The following COL4A5 variants were observed in gnomAD, a reference collection of about 807,000 sequenced individuals.
COL4A5 encodes the protein collagen alpha-5(IV) chain.
COL4A5 carries 26 observed loss-of-function variants against 130.2 expected under a neutral mutation model. The ratio of observed to expected loss-of-function variants is 0.20; its 90% confidence interval spans 0.15 to 0.28. The LOEUF is 0.28. Ranked by LOEUF, COL4A5 falls within the 10% of genes least tolerant of loss-of-function variation. COL4A5 has a pLI of 1.00. For synonymous variants in COL4A5, 496 were observed against 439.6 expected (o/e 1.13, Z -1.60); for missense variants, 1,131 against 1,344.3 (o/e 0.84, Z 2.48).
chrX:108,667,469 A>G (rs959289417), intron 40 of COL4A5, among the ~76,000 whole-genome samples: 1 of 111,303 alleles, frequency 9.0e-6, no homozygotes, highest in East Asian at 2.8e-4. Flanking sequence ...GCAGGAAGAT[A>G]AGAAAAGTCT....
intron 36 of COL4A5, among the ~76,000 whole-genome samples, chrX:108,637,605 A>C (rs775277493): frequency 3.6e-5 from 4 of 111,989 alleles, no homozygotes; most frequent in African/African-American, 1.3e-4. Context: ...ATAAAAGAGG[A>C]GACATTACTA....
At chrX:108,657,683 T>C (rs996358232) in intron 37 of COL4A5, among the ~76,000 whole-genome samples, 3 of 111,560 alleles carry the variant, frequency 2.7e-5, no homozygotes, top group African/African-American at 9.7e-5. Flanking sequence ...TTTTGTTTTG[T>C]AAATCTTGAA....
chrX:108,647,710 C>A (rs1182216152), intron 36 of COL4A5, among the ~76,000 whole-genome samples: 4 of 111,714 alleles, frequency 3.6e-5, no homozygotes, highest in Non-Finnish European at 7.5e-5. Context: ...ATGATATTGG[C>A]TGTGAGTTTG....
chrX:108,507,740 A>T (rs987788888), intron 1 of COL4A5, among the ~76,000 whole-genome samples: 4 of 111,730 alleles, frequency 3.6e-5, no homozygotes, highest in African/African-American at 9.8e-5. Flanking sequence ...CCTGGGAGGT[A>T]GAGCTTGCAG....
chrX:108,544,031 A>G (rs1181138296), intron 2 of COL4A5, among the ~76,000 whole-genome samples: 5 of 111,895 alleles, frequency 4.5e-5, no homozygotes, highest in African/African-American at 1.6e-4. Flanking sequence ...GGTTTTCTAG[A>G]TATACAATCA....
rs2068649632 is a variant in COL4A5 at position 108,692,241 on chromosome X, A to AT, written c.4529-500dup. Reference sequence around the variant, plus strand: ...CCCTCACATCTTTCCTTCCTGTCTTATTTTTTTCCTTTTTACGTATTCTTC... The same window carrying AT: ...CCCTCACATCTTTCCTTCCTGTCTTATTTTTTTTCCTTTTTACGTATTCTTC... On this transcript the variant is annotated intron_variant, in intron 49 of 52. Coordinates refer to ENST00000328300, the MANE Select transcript of COL4A5 (RefSeq NM_033380.3). Among the ~76,000 whole-genome samples the AT allele has an allele frequency of 2.7e-5, 3 of 109,689 alleles. No individual in the cohort carries two copies. The Admixed American group carries it at 3.0e-4, about 11-fold the overall frequency.
Position 108,692,732 on chromosome X carries a change from C to T in COL4A5, c.4529-16C>T, listed in dbSNP as rs1442212018. 6.6e-6 allele frequency: 8 copies of T among 1,209,090 alleles called. No homozygotes were observed. ...ATCACGCAGTCCTTTACTGTTTTCT[C>T]TCCAAATCTTTCTAGGGACGGCTGG... On this transcript the variant is annotated splice_polypyrimidine_tract_variant and intron_variant, in intron 49 of 52. Coordinates refer to ENST00000328300, the MANE Select transcript of COL4A5 (RefSeq NM_033380.3).
rs373688071 is a variant in COL4A5 at position 108,451,307 on chromosome X, G to A, written c.81+11101G>A. 1.0e-3 allele frequency among the ~76,000 whole-genome samples: 114 copies of A among 110,349 alleles called. 3 individuals carry two copies. In the East Asian group the frequency reaches 0.028, roughly 27 times the overall value. On this transcript the variant is annotated intron_variant, in intron 1 of 52. Transcript: ENST00000328300. ...GTGAATAGTGCTGCAATAAACATAC[G>A]TGTGCATGTGTCTTTATAGCAGCAT...
intron 37 of COL4A5, 72 bp from the exon 38 acceptor site, chrX:108,665,435 T>G (rs1438805588): frequency 8.1e-6 from 6 of 743,601 alleles, no homozygotes; most frequent in African/African-American, 2.1e-5. Flanking sequence ...CACTATAAAT[T>G]GTAAGTTTGA....
intron 1 of COL4A5, among the ~76,000 whole-genome samples, chrX:108,461,215 C>T (rs1434865641): frequency 8.9e-6 from 1 of 111,751 alleles, no homozygotes; most frequent in Non-Finnish European, 1.9e-5. Context: ...GATTGACAAC[C>T]TTTATACTAA....
At chrX:108,512,269 G>A (rs771000857) in intron 1 of COL4A5, among the ~76,000 whole-genome samples, 35 of 111,550 alleles carry the variant, frequency 3.1e-4, no homozygotes, top group African/African-American at 9.4e-4. Context: ...TAACATCACC[G>A]TTGGAAGTTC....
intron 42 of COL4A5, 100 bp downstream of exon 42, chrX:108,670,336 G>T (rs1035876788): frequency 1.7e-6 from 2 of 1,160,959 alleles, no homozygotes; most frequent in African/African-American, 1.8e-5. Context: ...AAGAGCATAT[G>T]TGCCAATTCA....
intron 30 of COL4A5, among the ~76,000 whole-genome samples, chrX:108,619,901 T>C (rs2067005109): frequency 8.9e-6 from 1 of 112,652 alleles, no homozygotes; most frequent in Non-Finnish European, 1.9e-5. Context: ...TGTAATTGTA[T>C]CTGTTGAATA....
At position 108,478,501 on chromosome X, in the gene COL4A5, G is replaced by T. The variant is rs750956394; in HGVS notation, c.81+38295G>T. ...GTACCATATATTGGATGCTGATTCA[G>T]ATCACACACAGCCTTCTGGAGAACT... is the stretch of plus-strand genomic sequence containing the variant. On this transcript the variant is annotated intron_variant, in intron 1 of 52. Coordinates refer to ENST00000328300, the MANE Select transcript of COL4A5 (RefSeq NM_033380.3). Among the ~76,000 whole-genome samples the T allele has an allele frequency of 1.7e-3, 191 of 111,756 alleles. 1 individual carries two copies. Among genetic ancestry groups the T allele is most frequent in the Middle Eastern group, 4.6e-3 (1 of 217 alleles).
rs778336142 is a variant in COL4A5, at chrX:108,507,977, C to G, written c.82-31769C>G. The stretch of plus-strand genomic sequence containing the variant: ...GAAGCATTCTCCTTGAAAACCAGCA[C>G]AAGGCAAGGATGCTCTCTCTCGCCA... On this transcript the variant is annotated intron_variant, in intron 1 of 52. Transcript: ENST00000328300. Among the ~76,000 whole-genome samples the G allele has an allele frequency of 9.3e-4, 104 of 111,425 alleles. 1 individual carries two copies. The highest frequency in any genetic ancestry group is 1.4e-3 in the Non-Finnish European group (74 of 53,071).
intron 1 of COL4A5, among the ~76,000 whole-genome samples, chrX:108,464,248 C>G (rs1007927761): frequency 8.9e-6 from 1 of 111,783 alleles, no homozygotes; most frequent in African/African-American, 3.3e-5. Context: ...CTTAGAAACA[C>G]TTTTTTAGTT....
intron 1 of COL4A5, among the ~76,000 whole-genome samples, chrX:108,523,446 C>G (rs1388511815): frequency 3.6e-5 from 4 of 112,153 alleles, no homozygotes; most frequent in Non-Finnish European, 7.5e-5. Context: ...TCCCATTGAT[C>G]TACACGTCTG....
intron 29 of COL4A5, among the ~76,000 whole-genome samples, chrX:108,608,949 A>C (rs1022340801): frequency 1.8e-5 from 2 of 111,306 alleles, no homozygotes; most frequent in Non-Finnish European, 3.8e-5. Flanking sequence ...CACTCAACAT[A>C]ATGTTTTGGA....
intron 36 of COL4A5, among the ~76,000 whole-genome samples, chrX:108,646,936 C>G (rs1046791732): frequency 3.6e-5 from 4 of 109,612 alleles, no homozygotes; most frequent in African/African-American, 1.4e-4. Context: ...TTCCATTGAT[C>G]TATATCTCTG....
Sources: allele counts gnomAD v4.1 joint callset (sites outside exome capture counted in the v4.1 genomes callset), GRCh38; gene constraint gnomAD v4.1.1; transcripts MANE v1.5; gene names NCBI Gene and HGNC (gene_info 2026-07-23, HGNC 2026-07-21).